Variants in TGDS observed in about 807,000 individuals in gnomAD.
The protein encoded by TGDS is TDP-glucose 4,6-dehydratase, also known as UDP-D-glucose 4,6-dehydratase.
Under a neutral mutation model 52.3 loss-of-function variants are expected in TGDS, and 47 were observed. The ratio of observed to expected loss-of-function variants is 0.90; its 90% CI spans 0.71 to 1.15. TGDS has a LOEUF of 1.15. TGDS is among the 50% of genes most tolerant of loss of function. The pLI is 0.00. For synonymous variants in TGDS, 115 were observed against 136.9 expected (o/e 0.84, Z 1.12); for missense variants, 375 against 418.4 (o/e 0.90, Z 0.90).
At chr13:94,588,313 C>T (rs1889071310) in intron 4 of TGDS, among the ~76,000 whole-genome samples, 1 of 149,888 alleles carries the variant, frequency 6.7e-6, no homozygotes, top group South Asian at 2.1e-4. Flanking sequence ...ATCCTAGCTA[C>T]TCAGGAGGCT....
chr13:94,588,023 C>T (rs1412042161), intron 4 of TGDS, among the ~76,000 whole-genome samples: 1 of 141,870 alleles, frequency 7.0e-6, no homozygotes, highest in African/African-American at 2.6e-5. Context: ...AAAAAAGAGA[C>T]AGAAAGAGCA....
At chr13:94,578,961 A>G (rs1888700625) in intron 7 of TGDS, among the ~76,000 whole-genome samples, 188 bp from the exon 8 acceptor site, 1 of 152,222 alleles carries the variant, frequency 6.6e-6, no homozygotes, top group Non-Finnish European at 1.5e-5. Context: ...GCTATTTCAT[A>G]AAGACAGGTT....
At chr13:94,591,091 C>A (rs1889185739) in intron 3 of TGDS, 148 bp from the exon 4 acceptor site, 3 of 601,784 alleles carry the variant, frequency 5.0e-6, no homozygotes, top group African/African-American at 2.0e-5. Context: ...AACAAGGATA[C>A]CAATGATGTA....
intron 2 of TGDS, among the ~76,000 whole-genome samples, chr13:94,593,490 T>TA (rs894210549): frequency 9.2e-5 from 14 of 151,982 alleles, no homozygotes; most frequent in Non-Finnish European, 2.1e-4. Flanking sequence ...ATATGTCAAT[T>TA]AAAAAATAGA....
chr13:94,579,638 A>G (rs1264739256), intron 7 of TGDS: 3 of 322,368 alleles, frequency 9.3e-6, no homozygotes, highest in Non-Finnish European at 1.7e-5. Flanking sequence ...ATTTTCACAT[A>G]TATCATTCTC....
At chr13:94,581,049 C>A in intron 6 of TGDS, 42 bp downstream of exon 6, 1 of 1,201,856 alleles carries the variant, frequency 8.3e-7, no homozygotes, top group East Asian at 2.6e-5. Flanking sequence ...ACACTTAAGT[C>A]CAAAGGAAAA....
chr13:94,577,582 A>AT (rs1223142727), intron 9 of TGDS, among the ~76,000 whole-genome samples, 153 bp from the exon 10 acceptor site: 1 of 152,230 alleles, frequency 6.6e-6, no homozygotes, highest in African/African-American at 2.4e-5. Context: ...TCTATACTTT[A>AT]TAACCTAAAT....
At chr13:94,578,810 T>G in intron 7 of TGDS, 37 bp from the exon 8 acceptor site, 1 of 1,319,756 alleles carries the variant, frequency 7.6e-7, no homozygotes, top group East Asian at 2.3e-5. Context: ...AGACTGGATA[T>G]TTACTCATTA....
intron 1 of TGDS, among the ~76,000 whole-genome samples, chr13:94,594,634 T>C (rs887398388): frequency 4.6e-5 from 7 of 152,178 alleles, no homozygotes; most frequent in Admixed American, 2.0e-4. Flanking sequence ...GTATTCGGCA[T>C]TCCTTTCACA....
At chr13:94,593,061 G>C (rs1372353425) in intron 2 of TGDS, among the ~76,000 whole-genome samples, 1 of 152,094 alleles carries the variant, frequency 6.6e-6, no homozygotes, top group Non-Finnish European at 1.5e-5. Context: ...GGCTGGGGCA[G>C]GAGAATCGCT....
At chr13:94,590,414 G>A (rs1889155431) in intron 4 of TGDS, among the ~76,000 whole-genome samples, 1 of 151,642 alleles carries the variant, frequency 6.6e-6, no homozygotes, top group Non-Finnish European at 1.5e-5. Context: ...ACAGATACAT[G>A]GGTACTCCAT....
At chr13:94,587,874 G>A (rs1224151906) in intron 4 of TGDS, among the ~76,000 whole-genome samples, 2 of 151,548 alleles carry the variant, frequency 1.3e-5, no homozygotes, top group Non-Finnish European at 2.9e-5. Flanking sequence ...GCGGGCGCCT[G>A]TAGTCCCAGC....
intron 2 of TGDS, 112 bp from the exon 3 acceptor site, chr13:94,592,421 A>G: frequency 1.3e-6 from 1 of 796,348 alleles, no homozygotes; most frequent in African/African-American, 1.8e-5. Flanking sequence ...ATACAAGAAC[A>G]TGTCCTCTTA....
At chr13:94,596,205 A>T, upstream of TGDS, 1 of 1,507,032 alleles carries the variant, frequency 6.6e-7, no homozygotes, top group Non-Finnish European at 9.0e-7. Flanking sequence ...TTCCGCCGCG[A>T]CCTTTTGCGA....
chr13:94,592,374 C>T, intron 2 of TGDS, 65 bp from the exon 3 acceptor site: 4 of 1,283,542 alleles, frequency 3.1e-6, no homozygotes, highest in Non-Finnish European at 4.3e-6. Flanking sequence ...AATCAAATAC[C>T]AATTTATTTT....
intron 4 of TGDS, among the ~76,000 whole-genome samples, chr13:94,586,886 G>A (rs1350449115): frequency 6.6e-6 from 1 of 150,598 alleles, no homozygotes; most frequent in Non-Finnish European, 1.5e-5. Context: ...AGCCTCCCAA[G>A]TAGCTGGGAC....
Position 94,590,948 on chromosome 13 carries a change from A to G in TGDS, c.223-5T>C. 1 of 1,565,188 alleles carries G rather than the reference A, an allele frequency of 6.4e-7. No homozygotes were observed. Among genetic ancestry groups the G allele is most frequent in the Non-Finnish European group, 8.6e-7 (1 of 1,162,728 alleles). On this transcript the variant is annotated splice_polypyrimidine_tract_variant and splice_region_variant and intron_variant, in intron 3 of 11. Coordinates refer to ENST00000261296, the MANE Select transcript of TGDS (RefSeq NM_014305.4). ...GTGAGAATCACATATGTCACCCTAT[A>G]TGAAAAAGCAAACATGAAAGGGCCT...
Position 94,596,107 on chromosome 13 carries a change from C to G in TGDS, c.30G>C (p.Trp10Cys), listed in dbSNP as rs745748712. The change falls in exon 1 of 12, where the codon TGG becomes TGC. Residue 10 changes from tryptophan to cysteine, a missense_variant. Trp to Cys is a radical substitution (Grantham distance 215). Transcript: ENST00000261296. ...GCTTCGCAAAGCCGCCGGGAAGACC[C>G]CACGGTTCCTCCCAACACGCCGCCG... MSAACWEEP[W>C]GLPGGFAKRV... is the part of the protein sequence containing the mutation. 15 of 1,614,064 alleles carry G rather than the reference C, an allele frequency of 9.3e-6. No individual in the cohort carries two copies. In the South Asian group the frequency reaches 1.6e-4, roughly 18 times the overall value.
At chr13:94,592,852 T>G (rs909125464) in intron 2 of TGDS, among the ~76,000 whole-genome samples, 3 of 152,068 alleles carry the variant, frequency 2.0e-5, no homozygotes, top group African/African-American at 7.2e-5. Flanking sequence ...TTTTCATAAA[T>G]CTCTACTTTA....
Sources: allele counts gnomAD v4.1 joint callset (sites outside exome capture counted in the v4.1 genomes callset), GRCh38; gene constraint gnomAD v4.1.1; transcripts MANE v1.5; gene names NCBI Gene and HGNC (gene_info 2026-07-23, HGNC 2026-07-21).